Variants in CEP128 observed in about 807,000 individuals in gnomAD.
CEP128 encodes centrosomal protein 128kDa.
Under a neutral mutation model 156.7 loss-of-function variants are expected in CEP128, and 132 were observed. That is an observed-to-expected ratio of 0.84 (90% CI 0.73 to 0.97). The LOEUF (loss-of-function observed/expected upper bound fraction) is 0.97, where lower values mean the gene tolerates loss of function less well. CEP128 is among the 50% of genes least tolerant of loss of function. CEP128 has a pLI of 0.00. For synonymous variants in CEP128, 469 were observed against 448.9 expected (o/e 1.04, Z -0.57); for missense variants, 1,252 against 1,281.9 (o/e 0.98, Z 0.36).
chr14:80,519,709 C>T (rs188567512), intron 23 of CEP128, among the ~76,000 whole-genome samples: 27 of 152,236 alleles, frequency 1.8e-4, no homozygotes, highest in Admixed American at 6.5e-4. Context: ...ATCTGTGTGG[C>T]TGCTATTTTA....
At chr14:80,915,280 C>T (rs1255750128) in intron 3 of CEP128, among the ~76,000 whole-genome samples, 1 of 152,122 alleles carries the variant, frequency 6.6e-6, no homozygotes, top group Non-Finnish European at 1.5e-5. Context: ...CCTCAGCCTC[C>T]CAAAGTGCTA....
downstream of CEP128, among the ~76,000 whole-genome samples, chr14:80,488,152 G>C (rs1197535793): frequency 9.7e-6 from 1 of 102,844 alleles, no homozygotes; most frequent in Non-Finnish European, 2.2e-5. Context: ...GAAGAAAAGA[G>C]AGAAGAATCA....
chr14:80,942,435 A>G (rs1886205671), upstream of CEP128: 1 of 152,238 alleles, frequency 6.6e-6, no homozygotes, highest in African/African-American at 2.4e-5. Context: ...AGTCACGAAG[A>G]GAATGAAAAC....
In CEP128 at chr14:80,536,041, GCAA is replaced by G. The variant is rs1889468728; in HGVS notation, c.2881-5158_2881-5156del. ...TGTCAGTTTTGCCATTCTGAAATCT[GCAA>G]CAACACCAAACTCCTATGAAGTTCA... is the stretch of plus-strand genomic sequence containing the variant. On this transcript the variant is annotated intron_variant, in intron 21 of 24. Coordinates refer to ENST00000555265, the MANE Select transcript of CEP128 (RefSeq NM_152446.5). 4.6e-5 allele frequency among the ~76,000 whole-genome samples: 7 copies of G among 152,248 alleles called. No individual in the cohort carries two copies. In the South Asian group the frequency reaches 1.0e-3, roughly 23 times the overall value.
chr14:80,573,722 T>C (rs1260371412), intron 20 of CEP128, among the ~76,000 whole-genome samples: 1 of 152,146 alleles, frequency 6.6e-6, no homozygotes, highest in South Asian at 2.1e-4. Flanking sequence ...TGAGAACCTG[T>C]TTGACCCCAA....
intron 8 of CEP128, among the ~76,000 whole-genome samples, chr14:80,889,294 G>T (rs1168403410): frequency 6.6e-6 from 1 of 152,034 alleles, no homozygotes; most frequent in Non-Finnish European, 1.5e-5. Flanking sequence ...ATTTCATATG[G>T]AACCAAAAAA....
At chr14:80,796,521 T>A (rs1033842746) in intron 13 of CEP128, among the ~76,000 whole-genome samples, 1 of 152,152 alleles carries the variant, frequency 6.6e-6, no homozygotes, top group African/African-American at 2.4e-5. Context: ...TAATAACCCC[T>A]TGCTCATTCT....
At chr14:80,846,216 T>C (rs1399105239) in intron 9 of CEP128, among the ~76,000 whole-genome samples, 1 of 152,200 alleles carries the variant, frequency 6.6e-6, no homozygotes, top group African/African-American at 2.4e-5. Context: ...ACATAAAATA[T>C]GTGTCAGGCT....
At chr14:80,904,786 C>T (rs766217727) in intron 6 of CEP128, 27 bp downstream of exon 6, 2 of 1,210,166 alleles carry the variant, frequency 1.7e-6, no homozygotes, top group South Asian at 2.4e-5. Context: ...AAATACTGCA[C>T]ACAAATTACA....
chr14:80,860,157 C>T (rs1887444599), intron 9 of CEP128, among the ~76,000 whole-genome samples: 1 of 152,110 alleles, frequency 6.6e-6, no homozygotes, highest in Admixed American at 6.5e-5. Flanking sequence ...TTAAACATGA[C>T]CTTTCCGGAA....
intron 19 of CEP128, among the ~76,000 whole-genome samples, chr14:80,740,538 A>G (rs1171822490): frequency 6.7e-6 from 1 of 148,368 alleles, no homozygotes; most frequent in African/African-American, 2.5e-5. Context: ...AGATAGATAG[A>G]TAGATAGACA....
chr14:80,615,742 G>A (rs535222982), intron 19 of CEP128, among the ~76,000 whole-genome samples: 152 of 152,190 alleles, frequency 1.0e-3, no homozygotes, highest in Non-Finnish European at 1.7e-3. Flanking sequence ...CAAGATACTC[G>A]GGAGGCTGAG....
intron 16 of CEP128, among the ~76,000 whole-genome samples, chr14:80,775,248 G>T (rs1440365593): frequency 6.6e-6 from 1 of 152,118 alleles, no homozygotes; most frequent in Non-Finnish European, 1.5e-5. Context: ...AAGCCACGCA[G>T]GTAGGAAAGA....
chr14:80,767,624 T>C (rs545768324), intron 16 of CEP128, among the ~76,000 whole-genome samples: 1 of 152,240 alleles, frequency 6.6e-6, no homozygotes, highest in African/African-American at 2.4e-5. Flanking sequence ...ACACCCCTCC[T>C]TCCTCACCCA....
chr14:80,912,349 T>C (rs754266291), intron 4 of CEP128, among the ~76,000 whole-genome samples: 4 of 152,156 alleles, frequency 2.6e-5, no homozygotes, highest in African/African-American at 4.8e-5. Context: ...CTATGGAATA[T>C]ATCATACCTC....
intron 19 of CEP128, among the ~76,000 whole-genome samples, chr14:80,683,192 A>G (rs1896390570): frequency 6.6e-6 from 1 of 152,224 alleles, no homozygotes; most frequent in Non-Finnish European, 1.5e-5. Flanking sequence ...CAAGCTGGAC[A>G]GGACCATCCA....
intron 19 of CEP128, among the ~76,000 whole-genome samples, chr14:80,739,137 G>C (rs1275362456): frequency 6.6e-6 from 1 of 152,022 alleles, no homozygotes; most frequent in Non-Finnish European, 1.5e-5. Flanking sequence ...TCCTTTCTTT[G>C]AGCATATACA....
intron 21 of CEP128, among the ~76,000 whole-genome samples, chr14:80,548,828 C>A (rs1034734000): frequency 1.3e-5 from 2 of 152,176 alleles, no homozygotes; most frequent in Non-Finnish European, 2.9e-5. Flanking sequence ...AAGCTGCATT[C>A]ATTATGCAAT....
At chr14:80,662,709 T>C (rs1895451569) in intron 19 of CEP128, among the ~76,000 whole-genome samples, 1 of 152,190 alleles carries the variant, frequency 6.6e-6, no homozygotes, top group Non-Finnish European at 1.5e-5. Flanking sequence ...ATATCTTTTT[T>C]AAAACTGAAG....
Sources: allele counts gnomAD v4.1 joint callset (sites outside exome capture counted in the v4.1 genomes callset), GRCh38; gene constraint gnomAD v4.1.1; transcripts MANE v1.5; gene names NCBI Gene and HGNC (gene_info 2026-07-23, HGNC 2026-07-21).